DUSP3: variants seen among roughly 807,000 people sequenced by gnomAD.
The protein encoded by DUSP3 is dual specificity phosphatase 3.
DUSP3 carries 7 observed loss-of-function variants against 15.5 expected under a neutral mutation model. The ratio of observed to expected loss-of-function variants is 0.45; its 90% CI spans 0.26 to 0.85. The LOEUF (loss-of-function observed/expected upper bound fraction) is 0.85, where lower values mean the gene tolerates loss of function less well. Among genes scored for constraint, DUSP3 ranks in the 40% least tolerant of loss-of-function variants. The pLI, the probability that DUSP3 is intolerant of heterozygous loss-of-function variation, is 0.18. For synonymous variants in DUSP3, 86 were observed against 104.2 expected, an observed-to-expected ratio of 0.83 and a Z score of 1.07; for missense variants, 209 against 251.7, an observed-to-expected ratio of 0.83 and a Z score of 1.15.
At chr17:43,776,702 C>T (rs551575179) in intron 1 of DUSP3, among the ~76,000 whole-genome samples, 8 of 152,226 alleles carry the variant, frequency 5.3e-5, no homozygotes, top group East Asian at 1.9e-4. Flanking sequence ...ACTCTGGCTA[C>T]ACCAGACGTG....
At position 43,769,358 on chromosome 17, in the gene DUSP3, T is replaced by C. The variant is rs1974281553; in HGVS notation, c.*251A>G. The C allele has an allele frequency of 2.1e-6, 1 of 481,742 alleles. No individual in the cohort carries two copies. The highest frequency in any genetic ancestry group is 3.7e-6 in the Non-Finnish European group (1 of 270,848). The allele number at this position is 481,742 out of a possible 1,614,324, so 29.8% of individuals were successfully genotyped here. On this transcript the variant is annotated 3_prime_UTR_variant, in exon 3 of 3. Coordinates refer to ENST00000226004, the MANE Select transcript of DUSP3 (RefSeq NM_004090.4). The stretch of plus-strand genomic sequence containing the variant: ...CAGGCCTTCCCCCTCTGAGCCCCCA[T>C]CTCAGGGAAAAGACATCATAAGTTA...
Position 43,769,341 on chromosome 17 carries a change from C to T in DUSP3, c.*268G>A, listed in dbSNP as rs1974281309. 2.2e-6 allele frequency: 1 copy of T among 458,396 alleles called. No homozygotes were observed. The highest frequency in any genetic ancestry group is 2.0e-5 in the African/African-American group (1 of 50,216). 28.4% of individuals were successfully genotyped at this position (458,396 alleles called of 1,614,324 possible). Reference sequence around the variant, plus strand: ...GGGAAGCATGCAGGCCACAGGCCTTCCCCCTCTGAGCCCCCATCTCAGGGA... The same window carrying T: ...GGGAAGCATGCAGGCCACAGGCCTTTCCCCTCTGAGCCCCCATCTCAGGGA... On this transcript the variant is annotated 3_prime_UTR_variant, in exon 3 of 3. Transcript: ENST00000226004.
intron 2 of DUSP3, among the ~76,000 whole-genome samples, chr17:43,773,436 G>A (rs1276969135): frequency 1.3e-5 from 2 of 152,184 alleles, no homozygotes; most frequent in East Asian, 3.9e-4. Flanking sequence ...GTTTCTTGCT[G>A]GAATGCCTTG....
chr17:43,771,911 G>C (rs1974325262), intron 2 of DUSP3, among the ~76,000 whole-genome samples: 1 of 151,728 alleles, frequency 6.6e-6, no homozygotes, highest in South Asian at 2.1e-4. Flanking sequence ...TCAGAAAGCT[G>C]AGGCAGGAGA....
intron 2 of DUSP3, 100 bp from the exon 3 acceptor site, chr17:43,769,914 C>A: frequency 1.6e-6 from 2 of 1,283,708 alleles, no homozygotes; most frequent in East Asian, 2.4e-5. Context: ...AGCACAATGT[C>A]ACGCCACTGT....
chr17:43,770,987 T>TAC (rs1974310705), intron 2 of DUSP3, among the ~76,000 whole-genome samples: 4 of 53,146 alleles, frequency 7.5e-5, no homozygotes, highest in Non-Finnish European at 1.2e-4. Flanking sequence ...TGCGTGTATA[T>TAC]ATATGTGTGT....
Position 43,769,315 on chromosome 17 carries a change from C to T in DUSP3, c.*294G>A, listed in dbSNP as rs557968128. 4.0e-4 allele frequency: 159 copies of T among 394,366 alleles called. 2 individuals are homozygous for T. Among genetic ancestry groups the T allele is most frequent in the African/African-American group, 2.9e-3 (142 of 48,332 alleles). 24.4% of individuals were successfully genotyped at this position (394,366 alleles called of 1,614,324 possible). ...CCACACACCTCCTGCCGTGGGCCAT[C>T]GGGAAGCATGCAGGCCACAGGCCTT... On this transcript the variant is annotated 3_prime_UTR_variant, in exon 3 of 3. Transcript: ENST00000226004.
chr17:43,769,381 T>C lies in DUSP3; in HGVS notation c.*228A>G. ...CATCTCAGGGAAAAGACATCATAAGTTACAGAAACAGGACAACTGGGGAGC... is the reference window on the plus strand; with the variant it reads ...CATCTCAGGGAAAAGACATCATAAGCTACAGAAACAGGACAACTGGGGAGC... On this transcript the variant is annotated 3_prime_UTR_variant, in exon 3 of 3. Transcript: ENST00000226004. The C allele has an allele frequency of 1.9e-6, 1 of 533,552 alleles. No homozygotes were observed. The highest frequency in any genetic ancestry group is 3.3e-6 in the Non-Finnish European group (1 of 303,814). 33.1% of individuals were successfully genotyped at this position (533,552 alleles called of 1,614,324 possible).
chr17:43,772,010 C>CAA (rs1190299771), intron 2 of DUSP3, among the ~76,000 whole-genome samples: 2 of 64,172 alleles, frequency 3.1e-5, no homozygotes, highest in East Asian at 5.9e-4. Flanking sequence ...GACTCCGTCT[C>CAA]AAAAAAAAAA....
In DUSP3 at chr17:43,769,316, G is replaced by A. The variant is rs573232053; in HGVS notation, c.*293C>T. ...CACACACCTCCTGCCGTGGGCCATC[G>A]GGAAGCATGCAGGCCACAGGCCTTC... is the stretch of plus-strand genomic sequence containing the variant. On this transcript the variant is annotated 3_prime_UTR_variant, in exon 3 of 3. Transcript: ENST00000226004. 1.8e-5 allele frequency: 7 copies of A among 393,490 alleles called. No homozygotes were observed. Among genetic ancestry groups the A allele is most frequent in the East Asian group, 1.7e-4 (3 of 17,958 alleles). 24.4% of individuals were successfully genotyped at this position (393,490 alleles called of 1,614,324 possible).
chr17:43,770,844 C>T (rs2154590631), intron 2 of DUSP3, among the ~76,000 whole-genome samples: 1 of 151,422 alleles, frequency 6.6e-6, no homozygotes, highest in Non-Finnish European at 1.5e-5. Context: ...CTTCAGCCTC[C>T]GCCTCCCGGG....
intron 1 of DUSP3, among the ~76,000 whole-genome samples, chr17:43,776,243 G>A (rs892149678): frequency 1.8e-4 from 27 of 152,238 alleles, no homozygotes; most frequent in African/African-American, 5.8e-4. Flanking sequence ...GCCACCTCCT[G>A]TGTGATCTTG....
In DUSP3 at chr17:43,769,827, G is replaced by A; in HGVS notation, c.353-13C>T. The A allele has an allele frequency of 1.2e-6, 2 of 1,613,888 alleles. No individual in the cohort carries two copies. Among genetic ancestry groups the A allele is most frequent in the South Asian group, 1.1e-5 (1 of 91,036 alleles). On this transcript the variant is annotated splice_polypyrimidine_tract_variant and intron_variant, in intron 2 of 2. Coordinates refer to ENST00000226004, the MANE Select transcript of DUSP3 (RefSeq NM_004090.4). ...ACGAGCACCCGGCCTGTAAGAAACA[G>A]GGGAGACGTGGTGAGCTGGGGGCGT...
intron 2 of DUSP3, among the ~76,000 whole-genome samples, chr17:43,770,160 G>A (rs371497754): frequency 2.0e-4 from 30 of 152,214 alleles, no homozygotes; most frequent in Middle Eastern, 3.4e-3. Context: ...TCACATTCAC[G>A]AACATGGGCC....
In DUSP3 at chr17:43,769,008, T is replaced by A. The variant is rs1247306830; in HGVS notation, c.*601A>T. On this transcript the variant is annotated 3_prime_UTR_variant, in exon 3 of 3. Transcript: ENST00000226004. ...GTAGGGACCATTCATCCTAAGGAAA[T>A]CATTCAAATGCAGCCTTGCTGTGGG... 6.6e-6 allele frequency: 1 copy of A among 152,576 alleles called. No homozygotes were observed. Among genetic ancestry groups the A allele is most frequent in the Non-Finnish European group, 1.5e-5 (1 of 68,140 alleles). 9.5% of individuals were successfully genotyped at this position (152,576 alleles called of 1,614,324 possible).
At chr17:43,775,710 C>A (rs1440871682) in intron 1 of DUSP3, among the ~76,000 whole-genome samples, 1 of 152,182 alleles carries the variant, frequency 6.6e-6, no homozygotes, top group Non-Finnish European at 1.5e-5. Context: ...TCCCTGCCCC[C>A]AGAGGGATCC....
intron 2 of DUSP3, among the ~76,000 whole-genome samples, chr17:43,771,082 T>C (rs1474854449): frequency 6.6e-6 from 1 of 151,610 alleles, no homozygotes; most frequent in Non-Finnish European, 1.5e-5. Context: ...CAGGGCAGAT[T>C]GGCTCCAGGA....
chr17:43,770,986 A>ATG (rs755251504), intron 2 of DUSP3, among the ~76,000 whole-genome samples: 17 of 63,436 alleles, frequency 2.7e-4, no homozygotes, highest in African/African-American at 7.6e-4. Context: ...GTGCGTGTAT[A>ATG]TATATGTGTG....
At chr17:43,773,458 C>A (rs528197185) in intron 2 of DUSP3, among the ~76,000 whole-genome samples, 3 of 152,138 alleles carry the variant, frequency 2.0e-5, no homozygotes, top group Admixed American at 6.5e-5. Context: ...TGACTGCCAG[C>A]GCCTTGGTAG....
Sources: allele counts gnomAD v4.1 joint callset (sites outside exome capture counted in the v4.1 genomes callset), GRCh38; gene constraint gnomAD v4.1.1; transcripts MANE v1.5; gene names NCBI Gene and HGNC (gene_info 2026-07-23, HGNC 2026-07-21).